Variants in SNRPN observed in about 807,000 individuals in gnomAD.
The protein encoded by SNRPN is small nuclear ribonucleoprotein polypeptide N, also known as small nuclear ribonucleoprotein-associated protein N.
In SNRPN, 7 loss-of-function variants were observed where a neutral mutation model predicts 25.2. The ratio of observed to expected loss-of-function variants is 0.28; its 90% CI spans 0.16 to 0.52. The LOEUF (loss-of-function observed/expected upper bound fraction) is 0.52, where lower values mean the gene tolerates loss of function less well. Among genes scored for constraint, SNRPN ranks in the 20% least tolerant of loss-of-function variants. SNRPN has a pLI of 0.96. For synonymous variants in SNRPN, 124 were observed against 110.6 expected (o/e 1.12, Z -0.76); for missense variants, 196 against 322.5 (o/e 0.61, Z 3.00).
upstream of SNRPN, among the ~76,000 whole-genome samples, chr15:24,953,883 A>C (rs1157268911): frequency 2.6e-5 from 4 of 152,182 alleles, no homozygotes; most frequent in Non-Finnish European, 4.4e-5. Context: ...TTTTGTTACG[A>C]TAGAAGTCAG....
At chr15:24,956,058 C>T (rs2062808954) in intron 1 of SNRPN, among the ~76,000 whole-genome samples, 1 of 152,044 alleles carries the variant, frequency 6.6e-6, no homozygotes, top group South Asian at 2.1e-4. Context: ...CCTACACTGC[C>T]GCAGGGGCTG....
chr15:24,914,892 A>T (rs2152321130), intron 2 of SNRPN, among the ~76,000 whole-genome samples: 1 of 152,206 alleles, frequency 6.6e-6, no homozygotes, highest in East Asian at 1.9e-4. Context: ...GATCATGGGA[A>T]AAAGGGACGT....
At chr15:24,847,076 T>C (rs1475445179) in intron 2 of SNRPN, among the ~76,000 whole-genome samples, 2 of 152,284 alleles carry the variant, frequency 1.3e-5, no homozygotes, top group South Asian at 2.1e-4. Context: ...CTGCGAAAGA[T>C]ACAAAGTCAG....
intron 2 of SNRPN, among the ~76,000 whole-genome samples, chr15:24,835,457 A>G (rs1343015810): frequency 6.6e-6 from 1 of 151,954 alleles, no homozygotes; most frequent in Admixed American, 6.6e-5. Context: ...TGAGTCTACT[A>G]TTTCCCACGT....
chr15:24,885,836 CACACTT>C (rs1476778416), intron 1 of SNRPN, among the ~76,000 whole-genome samples: 3 of 152,006 alleles, frequency 2.0e-5, no homozygotes, highest in African/African-American at 4.8e-5. Context: ...GGATATAAAA[CACACTT>C]ACACACAGCT....
At chr15:24,923,986 T>C (rs1391514) in intron 3 of SNRPN, among the ~76,000 whole-genome samples, 32,322 of 134,982 alleles carry the variant, frequency 0.24, 4,092 homozygotes, top group Middle Eastern at 0.29. Flanking sequence ...GCTGGATGCC[T>C]GGCTTTTTGT....
At chr15:24,826,735 A>AT (rs1247281101) in intron 1 of SNRPN, among the ~76,000 whole-genome samples, 4 of 152,144 alleles carry the variant, frequency 2.6e-5, no homozygotes, top group Non-Finnish European at 5.9e-5. Flanking sequence ...GGTGTCAGCC[A>AT]TTCTGTGTCA....
At chr15:24,857,812 A>G (rs573594194) in intron 1 of SNRPN, among the ~76,000 whole-genome samples, 1 of 152,220 alleles carries the variant, frequency 6.6e-6, no homozygotes, top group Admixed American at 6.5e-5. Flanking sequence ...TGTGCAGGAG[A>G]CCATAGTTTT....
chr15:24,828,179 A>G (rs369211439), intron 1 of SNRPN, among the ~76,000 whole-genome samples: 4 of 152,160 alleles, frequency 2.6e-5, no homozygotes, highest in African/African-American at 9.7e-5. Context: ...GTTCTAAACA[A>G]GATTTTAATC....
chr15:24,884,588 C>T (rs1595691798), intron 1 of SNRPN, among the ~76,000 whole-genome samples: 1 of 151,566 alleles, frequency 6.6e-6, no homozygotes, highest in South Asian at 2.1e-4. Context: ...TCTGAAGCCT[C>T]GGATAATTTG....
intron 2 of SNRPN, among the ~76,000 whole-genome samples, chr15:24,914,138 T>C (rs1325109093): frequency 6.6e-6 from 1 of 152,170 alleles, no homozygotes; most frequent in Non-Finnish European, 1.5e-5. Context: ...CAACTCTATA[T>C]CTTGCTTTTC....
intron 2 of SNRPN, among the ~76,000 whole-genome samples, chr15:24,839,796 C>T (rs1486186985): frequency 6.6e-6 from 1 of 151,416 alleles, no homozygotes; most frequent in Non-Finnish European, 1.5e-5. Context: ...CCAAAGCACA[C>T]CCAGTGGTTC....
At chr15:24,825,207 C>T (rs2049993853) in intron 1 of SNRPN, among the ~76,000 whole-genome samples, 1 of 151,868 alleles carries the variant, frequency 6.6e-6, no homozygotes, top group South Asian at 2.1e-4. Flanking sequence ...CAAGAGCAGA[C>T]CTTGGTTAAT....
chr15:24,900,742 G>C (rs11161159), intron 2 of SNRPN, among the ~76,000 whole-genome samples: 54,211 of 151,960 alleles, frequency 0.36, 10,276 homozygotes, highest in South Asian at 0.53. Context: ...GTTATACTAA[G>C]GAGGACAAAA....
intron 2 of SNRPN, among the ~76,000 whole-genome samples, chr15:24,898,348 G>C (rs2058212404): frequency 6.6e-6 from 1 of 152,172 alleles, no homozygotes; most frequent in South Asian, 2.1e-4. Context: ...GCAGCACTTT[G>C]GGAGGCCGAG....
At chr15:24,916,357 A>G (rs926087586) in intron 2 of SNRPN, among the ~76,000 whole-genome samples, 2 of 152,144 alleles carry the variant, frequency 1.3e-5, no homozygotes, top group African/African-American at 2.4e-5. Context: ...AGAGACAAAG[A>G]CAGAGACAGA....
At chr15:24,836,677 T>C (rs563632857) in intron 2 of SNRPN, among the ~76,000 whole-genome samples, 32 of 152,170 alleles carry the variant, frequency 2.1e-4, no homozygotes, top group African/African-American at 6.8e-4. Flanking sequence ...CCTCCCAGAG[T>C]GCTGGGATTA....
intron 2 of SNRPN, among the ~76,000 whole-genome samples, chr15:24,888,408 G>A (rs2030064): frequency 0.2 from 30,369 of 152,000 alleles, 3,378 homozygotes; most frequent in Non-Finnish European, 0.22. Flanking sequence ...GCCTGGCCAG[G>A]AATGACTGTC....
At chr15:24,931,838 CAAAAAAAAA>C (rs71127026) in intron 3 of SNRPN, among the ~76,000 whole-genome samples, 7 of 42,990 alleles carry the variant, frequency 1.6e-4, no homozygotes, top group East Asian at 1.6e-3. Context: ...GAACCTGTCT[CAAAAAAAAA>C]AAAAAAAAAA....
Sources: allele counts gnomAD v4.1 joint callset (sites outside exome capture counted in the v4.1 genomes callset), GRCh38; gene constraint gnomAD v4.1.1; transcripts MANE v1.5; gene names NCBI Gene and HGNC (gene_info 2026-07-23, HGNC 2026-07-21).